CFAP299: variants seen among roughly 807,000 people sequenced by gnomAD.
The protein encoded by CFAP299 is cilia and flagella associated protein 299, also known as cilia- and flagella-associated protein 299.
CFAP299 carries 21 observed loss-of-function variants against 27.0 expected under a neutral mutation model. That is an observed-to-expected ratio of 0.78 (90% CI 0.55 to 1.12). CFAP299 has a LOEUF of 1.12. Among genes scored for constraint, CFAP299 ranks in the 50% most tolerant of loss-of-function variants. CFAP299 has a pLI of 0.00. For synonymous variants in CFAP299, 104 were observed against 98.1 expected, an observed-to-expected ratio of 1.06 and a Z score of -0.36; for missense variants, 310 against 276.6, an observed-to-expected ratio of 1.12 and a Z score of -0.86.
At chr4:80,757,348 A>G (rs1168339713) in intron 3 of CFAP299, among the ~76,000 whole-genome samples, 1 of 152,218 alleles carries the variant, frequency 6.6e-6, no homozygotes, top group African/African-American at 2.4e-5. Context: ...AAGTTCTATA[A>G]AAAGTAATTT....
At chr4:80,595,927 C>T (rs184296536) in intron 3 of CFAP299, among the ~76,000 whole-genome samples, 9 of 152,234 alleles carry the variant, frequency 5.9e-5, no homozygotes, top group African/African-American at 1.9e-4. Flanking sequence ...TTTGACAGTG[C>T]GTGCAATACA....
intron 4 of CFAP299, chr4:80,871,602 A>G: frequency 1.0e-6 from 1 of 985,266 alleles, no homozygotes; most frequent in Non-Finnish European, 1.2e-6. Context: ...CAAAATCCAG[A>G]TGTTATCCTA....
At chr4:80,638,230 C>G (rs1340698770) in intron 3 of CFAP299, among the ~76,000 whole-genome samples, 1 of 152,114 alleles carries the variant, frequency 6.6e-6, no homozygotes, top group East Asian at 1.9e-4. Flanking sequence ...CCATCCTGAT[C>G]CCCCTACTTG....
At chr4:80,888,866 A>G (rs1287181341) in intron 4 of CFAP299, among the ~76,000 whole-genome samples, 1 of 151,962 alleles carries the variant, frequency 6.6e-6, no homozygotes, top group African/African-American at 2.4e-5. Flanking sequence ...TATGTTTCTG[A>G]ATGACCAATG....
intron 2 of CFAP299, among the ~76,000 whole-genome samples, chr4:80,567,625 C>A (rs1246881814): frequency 6.6e-6 from 1 of 151,810 alleles, no homozygotes; most frequent in Non-Finnish European, 1.5e-5. Context: ...AGATTAAAGG[C>A]GGATTGTCTG....
At chr4:80,467,242 C>T (rs1308308329) in intron 2 of CFAP299, among the ~76,000 whole-genome samples, 2 of 152,298 alleles carry the variant, frequency 1.3e-5, no homozygotes, top group African/African-American at 2.4e-5. Context: ...CTGGCAAATG[C>T]TATCAATCGT....
chr4:80,420,108 A>C, intron 2 of CFAP299: 1 of 434,798 alleles, frequency 2.3e-6, no homozygotes, highest in South Asian at 1.7e-5. Flanking sequence ...GAGGGGGAGA[A>C]GAGCAGGCCT....
intron 2 of CFAP299, among the ~76,000 whole-genome samples, chr4:80,533,401 C>G (rs978749532): frequency 1.3e-5 from 2 of 152,130 alleles, no homozygotes; most frequent in Admixed American, 1.3e-4. Flanking sequence ...TTTATAAGTT[C>G]TTTTACTGGA....
At chr4:80,730,248 C>CTGTGTGTGTGTGTGTGTGTGTGTG (rs34594345) in intron 3 of CFAP299, among the ~76,000 whole-genome samples, 8 of 130,800 alleles carry the variant, frequency 6.1e-5, no homozygotes, top group Non-Finnish European at 8.0e-5. Flanking sequence ...CTCTCTCTCT[C>CTGTGTGTGTGTGTGTGTGTGTGTG]TGTGTGTGTG....
intron 3 of CFAP299, among the ~76,000 whole-genome samples, chr4:80,719,202 CTGG>C (rs989098325): frequency 6.6e-6 from 1 of 152,020 alleles, no homozygotes; most frequent in African/African-American, 2.4e-5. Context: ...AGTTTAGTAC[CTGG>C]GTGATGAAAT....
At position 80,539,046 on chromosome 4, in the gene CFAP299, T is replaced by A. The variant is rs539157073; in HGVS notation, c.243-44047T>A. 9.3e-4 allele frequency among the ~76,000 whole-genome samples: 142 copies of A among 152,348 alleles called. 2 individuals are homozygous for A. The highest frequency in any genetic ancestry group is 1.2e-3 in the Non-Finnish European group (85 of 68,030). ...TAATAGTGATTTCCTCAGGGAAGTA[T>A]GCAATTTGTTCCACTAAATTAAATT... On this transcript the variant is annotated intron_variant, in intron 2 of 5. Transcript: ENST00000358105.
intron 4 of CFAP299, among the ~76,000 whole-genome samples, chr4:80,887,825 G>A (rs1293034053): frequency 6.6e-6 from 1 of 152,002 alleles, no homozygotes; most frequent in Non-Finnish European, 1.5e-5. Flanking sequence ...TTAAAAAGTG[G>A]GAGGATGAAG....
chr4:80,339,116 G>A (rs1645421317), intron 1 of CFAP299, among the ~76,000 whole-genome samples: 1 of 152,054 alleles, frequency 6.6e-6, no homozygotes, highest in South Asian at 2.1e-4. Flanking sequence ...CCTTCCTTAG[G>A]TTTGGCCATC....
chr4:80,905,640 A>G (rs994663444), intron 4 of CFAP299, among the ~76,000 whole-genome samples: 2 of 152,186 alleles, frequency 1.3e-5, no homozygotes, highest in African/African-American at 4.8e-5. Flanking sequence ...GGGAGGCCTC[A>G]GGAAACTTAC....
chr4:80,495,479 A>G (rs1039648610), intron 2 of CFAP299, among the ~76,000 whole-genome samples: 1 of 152,082 alleles, frequency 6.6e-6, no homozygotes, highest in African/African-American at 2.4e-5. Flanking sequence ...TACTTAATTT[A>G]TTTTACAATT....
At chr4:80,882,589 G>C (rs1244211853) in intron 4 of CFAP299, among the ~76,000 whole-genome samples, 1 of 151,138 alleles carries the variant, frequency 6.6e-6, no homozygotes, top group African/African-American at 2.4e-5. Context: ...AGTAAGCCGA[G>C]ATAGCGCCGC....
Position 80,376,945 on chromosome 4 carries a change from C to T in CFAP299, c.242+14061C>T, listed in dbSNP as rs534889064. ...GAGCATCTTTTTATGTGCTTATTTT[C>T]CATGCATATCTCTTCTTTGGTGAAA... On this transcript the variant is annotated intron_variant, in intron 2 of 5. Coordinates refer to ENST00000358105, the MANE Select transcript of CFAP299 (RefSeq NM_152770.3). Among the ~76,000 whole-genome samples, 362 of 152,242 alleles carry T rather than the reference C, an allele frequency of 2.4e-3. 1 individual carries two copies. The highest frequency in any genetic ancestry group is 4.3e-3 in the Non-Finnish European group (290 of 68,012).
At chr4:80,740,928 C>T (rs951580540) in intron 3 of CFAP299, among the ~76,000 whole-genome samples, 3 of 152,110 alleles carry the variant, frequency 2.0e-5, no homozygotes, top group African/African-American at 7.2e-5. Flanking sequence ...TGGGACCCAC[C>T]CTTCAGGGCT....
chr4:80,723,869 C>A (rs1722985844), intron 3 of CFAP299, among the ~76,000 whole-genome samples: 1 of 151,616 alleles, frequency 6.6e-6, no homozygotes. Flanking sequence ...CATAGTCCAC[C>A]TAATTAATAA....
Sources: gnomAD v4.1 joint callset for allele counts (sites outside exome capture counted in the v4.1 genomes callset) on GRCh38, gnomAD v4.1.1 for gene constraint, MANE v1.5 for transcripts, NCBI Gene and HGNC (gene_info 2026-07-23, HGNC 2026-07-21) for gene names.